MEI1: variants seen among roughly 807,000 people sequenced by gnomAD.
The protein encoded by MEI1 is meiosis inhibitor protein 1.
A neutral mutation model predicts 146.2 loss-of-function variants in MEI1; 103 were observed. The observed-to-expected ratio is 0.70, with a 90% CI of 0.60 to 0.83. MEI1 has a LOEUF of 0.83. Ranked by LOEUF, MEI1 falls within the 40% of genes least tolerant of loss-of-function variation. MEI1 has a pLI of 0.00. For missense variants in MEI1, 1,529 were observed against 1,533.0 expected (o/e 1.00, Z 0.04); for synonymous variants, 652 against 628.2 (o/e 1.04, Z -0.57).
chr22:41,745,867 C>CA lies in MEI1; in HGVS notation c.1539-17dup, dbSNP rs79093738. Reference sequence around the variant, plus strand: ...TTGCATAGGTGGTAGTGGATATACTCACACATTGATTTCTTAGGTTGGCTA... The same window carrying CA: ...TTGCATAGGTGGTAGTGGATATACTCAACACATTGATTTCTTAGGTTGGCTA... On this transcript the variant is annotated splice_polypyrimidine_tract_variant and intron_variant, in intron 13 of 30. Coordinates refer to ENST00000401548, the MANE Select transcript of MEI1 (RefSeq NM_152513.4). 0.12 allele frequency: 192,740 copies of CA among 1,598,028 alleles called. 12,787 individuals carry two copies. Among genetic ancestry groups the CA allele is most frequent in the East Asian group, 0.21 (9,191 of 44,586 alleles).
intron 11 of MEI1, among the ~76,000 whole-genome samples, chr22:41,734,737 A>G (rs2072176053): frequency 6.6e-6 from 1 of 152,068 alleles, no homozygotes; most frequent in South Asian, 2.1e-4. Context: ...TCCCAGGCTC[A>G]AGCAATTCTC....
At chr22:41,776,859 G>A (rs751441918) in intron 21 of MEI1, among the ~76,000 whole-genome samples, 4 of 151,838 alleles carry the variant, frequency 2.6e-5, no homozygotes, top group East Asian at 3.9e-4. Flanking sequence ...TGTCACCCAC[G>A]CTGGAGTGCA....
In MEI1 at chr22:41,774,469, G is replaced by A. The variant is rs531676861; in HGVS notation, c.2545-1633G>A. ...AAATCATGCCCCTCCCTTCCCGTCG[G>A]GCTTCAGCCTCATACTCTGTAAAGT... On this transcript the variant is annotated intron_variant, in intron 20 of 30. Coordinates refer to ENST00000401548, the MANE Select transcript of MEI1 (RefSeq NM_152513.4). 1.4e-3 allele frequency: 207 copies of A among 152,278 alleles called. 1 individual carries two copies. The highest frequency in any genetic ancestry group is 4.9e-3 in the African/African-American group (205 of 41,556). 9.4% of individuals were successfully genotyped at this position (152,278 alleles called of 1,614,324 possible). A position where few individuals can be genotyped will look rare whatever the true frequency, so the allele number is the denominator to read the frequency against.
At chr22:41,750,810 A>G (rs2073695869) in intron 15 of MEI1, among the ~76,000 whole-genome samples, 1 of 152,116 alleles carries the variant, frequency 6.6e-6, no homozygotes, top group Non-Finnish European at 1.5e-5. Context: ...GAATTAAACA[A>G]GATGATGCAT....
chr22:41,788,767 C>G (rs183149541), intron 26 of MEI1, among the ~76,000 whole-genome samples: 16 of 152,240 alleles, frequency 1.1e-4, no homozygotes, highest in African/African-American at 2.9e-4. Flanking sequence ...ATAGCACTTT[C>G]ACCATTCGCC....
chr22:41,784,081 G>A (rs1439033232), intron 24 of MEI1, among the ~76,000 whole-genome samples: 1 of 152,246 alleles, frequency 6.6e-6, no homozygotes, highest in Non-Finnish European at 1.5e-5. Context: ...TGAGGCCAGA[G>A]AAGGCTGTCT....
At chr22:41,728,380 A>G (rs1294694170) in intron 7 of MEI1, among the ~76,000 whole-genome samples, 4 of 152,220 alleles carry the variant, frequency 2.6e-5, no homozygotes, top group Non-Finnish European at 4.4e-5. Flanking sequence ...TGTGCACTCA[A>G]TAAATTGAGG....
At chr22:41,792,372 G>T (rs1569335347) in intron 26 of MEI1, among the ~76,000 whole-genome samples, 1 of 152,204 alleles carries the variant, frequency 6.6e-6, no homozygotes, top group Non-Finnish European at 1.5e-5. Context: ...AGGAATCTGT[G>T]TCAAAGCCCC....
chr22:41,729,727 T>C lies in MEI1; in HGVS notation c.927T>C (p.Leu309=), dbSNP rs1459087502. Residue 309 remains leucine (L), a synonymous_variant, in exon 8 of 31, where the codon CTT becomes CTC. Transcript: ENST00000401548. ...GTGCTCACTGTATAACTGCGGTGCT[T>C]GTCCACTCCCCAGCAAAGCATGCGT... ...VASAHCITAV[L]VHSPAKHASA... The C allele has an allele frequency of 3.1e-6, 5 of 1,612,370 alleles. No homozygotes were observed. Among genetic ancestry groups the C allele is most frequent in the Non-Finnish European group, 4.2e-6 (5 of 1,179,332 alleles).
chr22:41,725,033 G>A (rs1356660320), intron 7 of MEI1, among the ~76,000 whole-genome samples: 1 of 151,842 alleles, frequency 6.6e-6, no homozygotes, highest in African/African-American at 2.4e-5. Context: ...CAACTCCTGG[G>A]CTCAAGTGAT....
rs895924215 is a variant in MEI1, at chr22:41,781,268, C to T, written c.2816-16C>T. On this transcript the variant is annotated splice_polypyrimidine_tract_variant and intron_variant, in intron 22 of 30. Transcript: ENST00000401548. The stretch of plus-strand genomic sequence containing the variant: ...TGTTTTGCGACAGGCCGACTGGGGA[C>T]TTTCATCTCTTGCAGTAAGCAAGCT... 6.3e-7 allele frequency: 1 copy of T among 1,596,598 alleles called. No individual in the cohort carries two copies. Among genetic ancestry groups the T allele is most frequent in the Non-Finnish European group, 8.5e-7 (1 of 1,169,832 alleles).
chr22:41,717,387 T>C (rs1023298452), intron 5 of MEI1, among the ~76,000 whole-genome samples: 1 of 152,082 alleles, frequency 6.6e-6, no homozygotes, highest in African/African-American at 2.4e-5. Context: ...GGTCTTGAAC[T>C]CCTGACTTCA....
At chr22:41,710,861 G>C (rs1480201692) in intron 3 of MEI1, among the ~76,000 whole-genome samples, 1 of 152,184 alleles carries the variant, frequency 6.6e-6, no homozygotes, top group Non-Finnish European at 1.5e-5. Context: ...GGCAGGTTAG[G>C]CACTCAGTCA....
chr22:41,778,525 T>G (rs929178247), intron 21 of MEI1, among the ~76,000 whole-genome samples, 183 bp from the exon 22 acceptor site: 2 of 152,230 alleles, frequency 1.3e-5, no homozygotes, highest in African/African-American at 4.8e-5. Flanking sequence ...GCACTTAGTA[T>G]ATCAGTTACG....
chr22:41,765,254 G>A (rs1388727122), intron 19 of MEI1, among the ~76,000 whole-genome samples: 2 of 152,134 alleles, frequency 1.3e-5, no homozygotes, highest in Admixed American at 1.3e-4. Flanking sequence ...GACCTCAGGC[G>A]ATCCACCCAC....
At chr22:41,758,222 G>C in intron 17 of MEI1, 143 bp from the exon 18 acceptor site, 1 of 639,762 alleles carries the variant, frequency 1.6e-6, no homozygotes, top group Non-Finnish European at 2.5e-6. Context: ...AGGAAGAGGA[G>C]CCTCTGATTT....
intron 11 of MEI1, among the ~76,000 whole-genome samples, chr22:41,733,871 A>G (rs993593312): frequency 2.0e-5 from 3 of 152,138 alleles, no homozygotes; most frequent in African/African-American, 7.2e-5. Context: ...TCATGCCTAT[A>G]ATCCCAGCAC....
intron 9 of MEI1, 94 bp from the exon 10 acceptor site, chr22:41,732,151 A>G (rs1448828500): frequency 2.1e-6 from 2 of 973,190 alleles, no homozygotes; most frequent in African/African-American, 3.3e-5. Context: ...TCCAACTCAT[A>G]CATGCTGTCC....
intron 20 of MEI1, 119 bp downstream of exon 20, chr22:41,771,080 C>G: frequency 1.8e-6 from 2 of 1,121,010 alleles, no homozygotes; most frequent in Non-Finnish European, 2.6e-6. Flanking sequence ...AGACTTATCA[C>G]TGTCTGCATG....
Sources: allele counts gnomAD v4.1 joint callset (sites outside exome capture counted in the v4.1 genomes callset), GRCh38; gene constraint gnomAD v4.1.1; transcripts MANE v1.5; gene names NCBI Gene and HGNC (gene_info 2026-07-23, HGNC 2026-07-21).